AKAP7: variants seen among roughly 807,000 people sequenced by gnomAD.
The protein encoded by AKAP7 is A kinase (PRKA) anchor protein 7.
AKAP7 carries 39 observed loss-of-function variants against 39.5 expected under a neutral mutation model. The ratio of observed to expected loss-of-function variants is 0.99; its 90% CI spans 0.76 to 1.29. The LOEUF (loss-of-function observed/expected upper bound fraction) is 1.29, where lower values mean the gene tolerates loss of function less well. AKAP7 is among the 50% of genes most tolerant of loss of function. AKAP7 has a pLI of 0.00. For missense variants in AKAP7, 414 were observed against 407.7 expected (o/e 1.02, Z -0.13); for synonymous variants, 140 against 139.1 (o/e 1.01, Z -0.05).
chr6:131,178,927 G>C (rs1180055111), intron 5 of AKAP7, among the ~76,000 whole-genome samples: 2 of 151,936 alleles, frequency 1.3e-5, no homozygotes, highest in African/African-American at 4.8e-5. Context: ...TGCCCCACTT[G>C]AACTTGCTTC....
At chr6:131,147,011 G>A (rs1413777707) in intron 2 of AKAP7, among the ~76,000 whole-genome samples, 1 of 152,174 alleles carries the variant, frequency 6.6e-6, no homozygotes, top group Non-Finnish European at 1.5e-5. Context: ...ATGACGTGAG[G>A]ATGTGTTCAG....
chr6:131,264,219 A>G (rs1463004463), intron 7 of AKAP7, among the ~76,000 whole-genome samples: 1 of 152,220 alleles, frequency 6.6e-6, no homozygotes, highest in East Asian at 1.9e-4. Flanking sequence ...GACGTTTACC[A>G]CATGTGCTTA....
intron 5 of AKAP7, among the ~76,000 whole-genome samples, chr6:131,173,325 A>G (rs950676114): frequency 5.3e-5 from 8 of 152,110 alleles, no homozygotes; most frequent in African/African-American, 1.4e-4. Flanking sequence ...TTGGGTTAGA[A>G]TTGGTTACTT....
intron 7 of AKAP7, among the ~76,000 whole-genome samples, chr6:131,278,971 G>GGT (rs2128339743): frequency 6.6e-6 from 1 of 152,308 alleles, no homozygotes; most frequent in African/African-American, 2.4e-5. Context: ...TGACAGTGGA[G>GGT]GTGTGCAGTG....
Position 131,281,652 on chromosome 6 carries a change from C to G in AKAP7, c.973C>G (p.Pro325Ala), listed in dbSNP as rs369631979. 1 of 1,613,342 alleles carries G rather than the reference C, an allele frequency of 6.2e-7. No individual in the cohort carries two copies. ...GGAGGAAACACAGAATAAAAACAAG[C>G]CGGGGGAGGGGAGCTCTGTGAAAAC... ...YLEETQNKNK[P>A]GEGSSVKTEA... The change falls in exon 8 of 8, where the codon CCG (proline) becomes GCG (alanine). Residue 325 changes from proline (P) to alanine (A), a missense_variant. Physicochemically the swap from Pro to Ala is conservative, Grantham distance 27. Transcript: ENST00000431975. This position sits in a 1 kb window ranked among gnomAD's most constrained non-coding sequence, Gnocchi z 4.0.
chr6:131,219,737 T>G lies in AKAP7; in HGVS notation c.779T>G (p.Ile260Arg). 5 of 1,599,202 alleles carry G rather than the reference T, an allele frequency of 3.1e-6. No homozygotes were observed. The highest frequency in any genetic ancestry group is 4.3e-6 in the Non-Finnish European group (5 of 1,172,268). Residue 260 changes from isoleucine (I) to arginine (R), a missense_variant, in exon 7 of 8, where the codon ATA (isoleucine) becomes AGA (arginine). Transcript: ENST00000431975. ...TTTGGAGAAGAAATATTATATCGCA[T>G]AGATCTTTGCTCCATGCTGAAGAAA... ...HRFGEEILYR[I>R]DLCSMLKKKQ...
At chr6:131,268,283 C>T (rs776537937) in intron 7 of AKAP7, among the ~76,000 whole-genome samples, 2 of 152,140 alleles carry the variant, frequency 1.3e-5, no homozygotes, top group Admixed American at 6.6e-5. Flanking sequence ...CTTCCTAATT[C>T]GTAGTGAGGG....
intron 7 of AKAP7, among the ~76,000 whole-genome samples, chr6:131,279,223 A>G (rs1180868963): frequency 6.6e-6 from 1 of 152,202 alleles, no homozygotes; most frequent in African/African-American, 2.4e-5. Flanking sequence ...TGCCTCGAAT[A>G]ATAGTAACAG....
intron 5 of AKAP7, among the ~76,000 whole-genome samples, chr6:131,186,972 G>A (rs990320695): frequency 6.6e-6 from 1 of 152,098 alleles, no homozygotes; most frequent in Non-Finnish European, 1.5e-5. Flanking sequence ...TATTTCATTA[G>A]CCTATATATT....
intron 7 of AKAP7, among the ~76,000 whole-genome samples, chr6:131,224,004 C>G (rs1010818744): frequency 5.9e-5 from 9 of 152,150 alleles, no homozygotes; most frequent in African/African-American, 2.2e-4. Flanking sequence ...GTTACACTTT[C>G]TAATTCAAAA....
chr6:131,261,577 A>G (rs925791154), intron 7 of AKAP7, among the ~76,000 whole-genome samples: 8 of 152,204 alleles, frequency 5.3e-5, no homozygotes, highest in African/African-American at 1.9e-4. Context: ...TGAACCTCCA[A>G]TGTAAAATCA....
intron 6 of AKAP7, among the ~76,000 whole-genome samples, chr6:131,213,220 A>G (rs902790765): frequency 2.6e-5 from 4 of 152,182 alleles, no homozygotes; most frequent in African/African-American, 9.6e-5. Context: ...ATGATTTTCT[A>G]CCAAACAGCC....
chr6:131,282,075 G>A lies in AKAP7; in HGVS notation c.*349G>A. The A allele has an allele frequency of 8.8e-7, 1 of 1,138,230 alleles. No homozygotes were observed. The highest frequency in any genetic ancestry group is 1.1e-6 in the Non-Finnish European group (1 of 929,330). The allele number at this position is 1,138,230 out of a possible 1,614,324, so 70.5% of individuals were successfully genotyped here. On this transcript the variant is annotated 3_prime_UTR_variant, in exon 8 of 8. Transcript: ENST00000431975. ...TCAATGGAATACTGCCATTTATATT[G>A]CTTAGCAGGGCATTTGACTACTTTA...
chr6:131,228,586 C>T (rs1810384600), intron 7 of AKAP7, among the ~76,000 whole-genome samples: 5 of 152,080 alleles, frequency 3.3e-5, no homozygotes, highest in Admixed American at 3.3e-4. Flanking sequence ...TTCCTGGGCT[C>T]TTGCCTCAGC....
At chr6:131,138,757 A>C (rs896367322) in intron 1 of AKAP7, among the ~76,000 whole-genome samples, 9 of 152,338 alleles carry the variant, frequency 5.9e-5, no homozygotes, top group African/African-American at 2.2e-4. Context: ...TGAGCATCAT[A>C]ATAGTACCTC....
At chr6:131,186,261 T>C (rs935647634) in intron 5 of AKAP7, among the ~76,000 whole-genome samples, 11 of 152,118 alleles carry the variant, frequency 7.2e-5, no homozygotes, top group African/African-American at 2.4e-4. Flanking sequence ...CTCTCTCTTA[T>C]TCCTGCTCCC....
At chr6:131,173,376 A>G (rs538539840) in intron 5 of AKAP7, among the ~76,000 whole-genome samples, 68 of 152,278 alleles carry the variant, frequency 4.5e-4, no homozygotes, top group African/African-American at 7.5e-4. Flanking sequence ...TCAATTTAGA[A>G]TATAGGACAT....
chr6:131,203,457 T>A (rs965897892), intron 6 of AKAP7, among the ~76,000 whole-genome samples: 18 of 152,296 alleles, frequency 1.2e-4, no homozygotes, highest in Non-Finnish European at 2.2e-4. Context: ...AGTTTTTTTT[T>A]AATCCACTTG....
At chr6:131,223,339 G>T (rs925580189) in intron 7 of AKAP7, among the ~76,000 whole-genome samples, 1 of 152,142 alleles carries the variant, frequency 6.6e-6, no homozygotes, top group Admixed American at 6.6e-5. Context: ...CATCCTGAAA[G>T]AATCTTAATA....
Sources: gnomAD v4.1 joint callset for allele counts (sites outside exome capture counted in the v4.1 genomes callset) on GRCh38, gnomAD v4.1.1 for gene constraint, Gnocchi (gnomAD v3.1) non-coding constraint, MANE v1.5 for transcripts, NCBI Gene and HGNC (gene_info 2026-07-23, HGNC 2026-07-21) for gene names.